The following POGLUT3 variants were observed in gnomAD, a reference collection of about 807,000 sequenced individuals.
POGLUT3 encodes the protein KDEL (Lys-Asp-Glu-Leu) containing 2.
Under a neutral mutation model 54.3 loss-of-function variants are expected in POGLUT3, and 48 were observed. The observed-to-expected ratio is 0.88, with a 90% CI of 0.70 to 1.12. The LOEUF (loss-of-function observed/expected upper bound fraction) is 1.12, where lower values mean the gene tolerates loss of function less well. POGLUT3 is among the 50% of genes most tolerant of loss of function. The pLI is 0.00. For missense variants in POGLUT3, 629 were observed against 618.7 expected (o/e 1.02, Z -0.18); for synonymous variants, 218 against 237.4 (o/e 0.92, Z 0.75).
At chr11:108,491,955 C>CT (rs1321313337) in intron 1 of POGLUT3, among the ~76,000 whole-genome samples, 15 of 152,066 alleles carry the variant, frequency 9.9e-5, no homozygotes, top group Non-Finnish European at 1.8e-4. Context: ...ATTTCAGTAT[C>CT]TAATAACCTT....
chr11:108,475,373 G>A (rs566826483), intron 7 of POGLUT3, among the ~76,000 whole-genome samples: 5 of 151,908 alleles, frequency 3.3e-5, no homozygotes, highest in African/African-American at 9.7e-5. Context: ...TAGGCCTATA[G>A]TCACACGCAT....
intron 4 of POGLUT3, 77 bp from the exon 5 acceptor site, chr11:108,481,453 C>G: frequency 9.0e-7 from 1 of 1,116,252 alleles, no homozygotes; most frequent in Non-Finnish European, 1.2e-6. Context: ...CCTCTTTAAT[C>G]TACCATTGTC....
rs956029187 is a variant in POGLUT3, at chr11:108,486,732, A to C, written c.401-292T>G. 16 of 333,868 alleles carry C rather than the reference A, an allele frequency of 4.8e-5. No individual in the cohort carries two copies. The East Asian group carries it at 7.8e-4, about 16-fold the overall frequency. 20.7% of individuals were successfully genotyped at this position (333,868 alleles called of 1,614,324 possible). A position where few individuals can be genotyped will look rare whatever the true frequency, so the allele number is the denominator to read the frequency against. On this transcript the variant is annotated intron_variant, in intron 2 of 7. Coordinates refer to ENST00000323468, the MANE Select transcript of POGLUT3 (RefSeq NM_153705.5). ...ATAAATGGCTGGCAAACATGAAACAACTTACCTTTTAGCAAGGAGAAAAAG... is the reference window on the plus strand; with the variant it reads ...ATAAATGGCTGGCAAACATGAAACACCTTACCTTTTAGCAAGGAGAAAAAG...
At chr11:108,485,630 A>T (rs1017945838) in intron 3 of POGLUT3, among the ~76,000 whole-genome samples, 18 of 129,398 alleles carry the variant, frequency 1.4e-4, no homozygotes, top group African/African-American at 5.0e-4. Context: ...CAGCCACTTT[A>T]TTCTATTTTA....
At chr11:108,485,069 A>G (rs940818593) in intron 3 of POGLUT3, among the ~76,000 whole-genome samples, 2 of 152,170 alleles carry the variant, frequency 1.3e-5, no homozygotes, top group Non-Finnish European at 2.9e-5. Context: ...AGTATGACTG[A>G]GAGTCTGATT....
intron 2 of POGLUT3, among the ~76,000 whole-genome samples, chr11:108,488,786 T>C (rs1450226160): frequency 6.6e-6 from 1 of 152,128 alleles, no homozygotes; most frequent in East Asian, 1.9e-4. Context: ...TCTAAGATAT[T>C]TGCCACCTGA....
At chr11:108,478,658 A>G (rs2093586858) in intron 6 of POGLUT3, among the ~76,000 whole-genome samples, 1 of 152,214 alleles carries the variant, frequency 6.6e-6, no homozygotes, top group Admixed American at 6.5e-5. Context: ...TGCTGCCCGC[A>G]GGTAAGCCAT....
chr11:108,491,138 A>T lies in POGLUT3; in HGVS notation c.232T>A (p.Ser78Thr). The T allele has an allele frequency of 6.9e-6, 11 of 1,601,284 alleles. No individual in the cohort carries two copies. The highest frequency in any genetic ancestry group is 9.4e-6 in the Non-Finnish European group (11 of 1,172,360). Residue 78 changes from serine (S) to threonine (T), a missense_variant, in exon 2 of 8, where the codon TCT becomes ACT. Transcript: ENST00000323468. ...CGGACCAACTCTTTAGGTGAAAGAGATTTGACTACGACTTTGAATGGTGTT... is the reference window on the plus strand; with the variant it reads ...CGGACCAACTCTTTAGGTGAAAGAGTTTTGACTACGACTTTGAATGGTGTT... ...GETPFKVVVK[S>T]LSPKELVRIH...
At chr11:108,482,277 T>A in intron 3 of POGLUT3, 55 bp from the exon 4 acceptor site, 1 of 1,261,078 alleles carries the variant, frequency 7.9e-7, no homozygotes, top group Non-Finnish European at 1.1e-6. Context: ...TCTTTGGTAC[T>A]AAGTACAACA....
intron 5 of POGLUT3, among the ~76,000 whole-genome samples, chr11:108,479,950 C>A (rs914697015): frequency 6.6e-6 from 1 of 152,142 alleles, no homozygotes; most frequent in Non-Finnish European, 1.5e-5. Flanking sequence ...TCTGGTGCCT[C>A]AGCCTCCTGA....
chr11:108,482,563 A>G (rs1170963590), intron 3 of POGLUT3, among the ~76,000 whole-genome samples: 2 of 152,088 alleles, frequency 1.3e-5, no homozygotes, highest in Admixed American at 6.6e-5. Flanking sequence ...TCTGGCCAAC[A>G]TGGTGAAACC....
intron 1 of POGLUT3, 74 bp downstream of exon 1, chr11:108,498,091 G>C: frequency 7.6e-7 from 1 of 1,314,314 alleles, no homozygotes; most frequent in Non-Finnish European, 1.0e-6. Flanking sequence ...CGCAGGCCGC[G>C]GGCGGACTCC....
rs1369469259 is a variant in POGLUT3, at chr11:108,478,001, T to C, written c.1294-290A>G. The C allele has an allele frequency of 8.3e-5, 26 of 314,972 alleles. 1 individual carries two copies. Among genetic ancestry groups the C allele is most frequent in the East Asian group, 9.6e-5 (1 of 10,458 alleles). The allele number at this position is 314,972 out of a possible 1,614,324, so 19.5% of individuals were successfully genotyped here. A position where few individuals can be genotyped will look rare whatever the true frequency, so the allele number is the denominator to read the frequency against. On this transcript the variant is annotated intron_variant, in intron 6 of 7. Coordinates refer to ENST00000323468, the MANE Select transcript of POGLUT3 (RefSeq NM_153705.5). Reference sequence around the variant, plus strand: ...CCATCTCTACTAAAAATACAAAAATTAGCTGGGTGTGGTGGCGGGTACCTG... The same window carrying C: ...CCATCTCTACTAAAAATACAAAAATCAGCTGGGTGTGGTGGCGGGTACCTG...
At chr11:108,488,864 A>G (rs2093608302) in intron 2 of POGLUT3, among the ~76,000 whole-genome samples, 1 of 152,184 alleles carries the variant, frequency 6.6e-6, no homozygotes. Flanking sequence ...AACAGTACTT[A>G]TCGGTGGGTA....
intron 2 of POGLUT3, among the ~76,000 whole-genome samples, chr11:108,489,971 G>T (rs1055202092): frequency 6.6e-6 from 1 of 151,918 alleles, no homozygotes; most frequent in African/African-American, 2.4e-5. Flanking sequence ...CCGCAGCCTC[G>T]ATCTCCCTGA....
rs773711387 is a variant in POGLUT3, at chr11:108,491,143, A to C, written c.227T>G (p.Val76Gly). 2.5e-6 allele frequency: 4 copies of C among 1,613,976 alleles called. No individual in the cohort carries two copies. Among genetic ancestry groups the C allele is most frequent in the Non-Finnish European group, 3.4e-6 (4 of 1,179,864 alleles). ...CAACTCTTTAGGTGAAAGAGATTTGACTACGACTTTGAATGGTGTTTCACC... is the reference window on the plus strand; with the variant it reads ...CAACTCTTTAGGTGAAAGAGATTTGCCTACGACTTTGAATGGTGTTTCACC... Reference protein sequence around the residue: ...PAGETPFKVVVKSLSPKELVR... With the variant: ...PAGETPFKVVGKSLSPKELVR... The change falls in exon 2 of 8, where the codon GTC (valine) becomes GGC (glycine). Residue 76 changes from valine (V) to glycine (G), a missense_variant. Transcript: ENST00000323468.
In POGLUT3 at chr11:108,482,219, G is replaced by T. The variant is rs1279112721; in HGVS notation, c.688C>A (p.Leu230Ile). The T allele has an allele frequency of 6.2e-7, 1 of 1,609,300 alleles. No individual in the cohort carries two copies. The highest frequency in any genetic ancestry group is 8.5e-7 in the Non-Finnish European group (1 of 1,176,144). The change falls in exon 4 of 8, where the codon CTT (leucine) becomes ATT (isoleucine). Residue 230 changes from leucine (L) to isoleucine (I), a missense_variant. Transcript: ENST00000323468. The stretch of plus-strand genomic sequence containing the variant: ...ACATAAAATTCTAAATCTGGGAGAA[G>T]GACCTAAATAAACATATAAACAAAC... ...EILLSLTRKV[L>I]LPDLEFYVNL...
intron 1 of POGLUT3, among the ~76,000 whole-genome samples, chr11:108,496,568 C>T (rs1387256113): frequency 2.6e-5 from 4 of 151,174 alleles, no homozygotes; most frequent in Admixed American, 1.3e-4. Flanking sequence ...GATATACACA[C>T]ATGCGTTTCT....
Position 108,475,463 on chromosome 11 carries a change from G to GTTTTTTTTT in POGLUT3, c.1399-512_1399-511insAAAAAAAAA, listed in dbSNP as rs367899085. ...TATTTCTATAAATGGAGTTTTTTTT[G>GTTTTTTTTT]TTTTTGTTTTTTTTTTTTTTTGAGA... On this transcript the variant is annotated intron_variant, in intron 7 of 7. Coordinates refer to ENST00000323468, the MANE Select transcript of POGLUT3 (RefSeq NM_153705.5). Among the ~76,000 whole-genome samples the GTTTTTTTTT allele has an allele frequency of 5.9e-4, 65 of 109,978 alleles. 3 individuals carry two copies. The highest frequency in any genetic ancestry group is 1.6e-3 in the African/African-American group (41 of 26,016). The allele number at this position is 109,978 out of a possible 152,430, so 72.1% of individuals were successfully genotyped here. A position where few individuals can be genotyped will look rare whatever the true frequency, so the allele number is the denominator to read the frequency against.
Sources: allele counts gnomAD v4.1 joint callset (sites outside exome capture counted in the v4.1 genomes callset), GRCh38; gene constraint gnomAD v4.1.1; transcripts MANE v1.5; gene names NCBI Gene and HGNC (gene_info 2026-07-23, HGNC 2026-07-21).